The following C14orf132 variants were observed in gnomAD, a reference collection of about 807,000 sequenced individuals.
C14orf132 encodes uncharacterized protein C14orf132.
A neutral mutation model predicts 5.8 loss-of-function variants in C14orf132; 6 were observed. The ratio of observed to expected loss-of-function variants is 1.03; its 90% CI spans 0.57 to 2.04. C14orf132 has a LOEUF of 2.04. Among genes scored for constraint, C14orf132 ranks in the 30% most tolerant of loss-of-function variants. The probability of loss-of-function intolerance (pLI) is 0.00; values close to 1 mark genes in which losing one functional copy is unlikely to be tolerated. For missense variants in C14orf132, 125 were observed against 115.8 expected (o/e 1.08, Z -0.37); for synonymous variants, 51 against 49.8 (o/e 1.02, Z -0.10).
intron 1 of C14orf132, among the ~76,000 whole-genome samples, chr14:96,070,054 C>T (rs1455010331): frequency 6.6e-6 from 1 of 152,190 alleles, no homozygotes; most frequent in Non-Finnish European, 1.5e-5. Context: ...GAGGGGCCGA[C>T]TTTTGTACTA....
rs140744700 is a variant in C14orf132, at chr14:96,062,808, C to T, written c.27+23281C>T. Among the ~76,000 whole-genome samples the T allele has an allele frequency of 4.9e-4, 74 of 152,252 alleles. No homozygotes were observed. In the Middle Eastern group the frequency reaches 0.017, roughly 35 times the overall value. ...GCCAGGTACATTCTTCCTTGGCCTT[C>T]GGAGTGCCCTTACATACTCTCAGGA... On this transcript the variant is annotated intron_variant, in intron 1 of 1. Transcript: ENST00000555004.
intron 1 of C14orf132, among the ~76,000 whole-genome samples, chr14:96,076,707 G>A (rs959961972): frequency 1.9e-4 from 29 of 152,322 alleles, no homozygotes; most frequent in African/African-American, 6.0e-4. Flanking sequence ...CATGCAGCCC[G>A]TGGGTTGTGG....
intron 1 of C14orf132, among the ~76,000 whole-genome samples, chr14:96,052,526 C>T (rs1224825333): frequency 6.6e-6 from 1 of 152,240 alleles, no homozygotes; most frequent in Admixed American, 6.5e-5. Flanking sequence ...CAGCCCAGGG[C>T]TAGAACCAGT....
At position 96,086,693 on chromosome 14, in the gene C14orf132, G is replaced by A. The variant is rs1267868650; in HGVS notation, c.210G>A (p.Gly70=). 1.3e-6 allele frequency: 2 copies of A among 1,536,168 alleles called. No homozygotes were observed. The highest frequency in any genetic ancestry group is 1.7e-6 in the Non-Finnish European group (2 of 1,146,914). The change falls in exon 2 of 2, where the codon GGG becomes GGA. Residue 70 remains glycine (G), a synonymous_variant. Transcript: ENST00000555004. ...LLWIAIIATL[G]NIVVVGVVYA... ...GGATTGCCATCATAGCTACGCTGGGGAACATCGTGGTGGTGGGCGTGGTGT... is the reference window on the plus strand; with the variant it reads ...GGATTGCCATCATAGCTACGCTGGGAAACATCGTGGTGGTGGGCGTGGTGT...
At chr14:96,082,167 T>C (rs1888049087) in intron 1 of C14orf132, among the ~76,000 whole-genome samples, 1 of 152,204 alleles carries the variant, frequency 6.6e-6, no homozygotes, top group African/African-American at 2.4e-5. Context: ...TCCCATTCTC[T>C]GAAGGCCAGT....
At chr14:96,081,315 C>T (rs1888025995) in intron 1 of C14orf132, among the ~76,000 whole-genome samples, 1 of 152,202 alleles carries the variant, frequency 6.6e-6, no homozygotes, top group Non-Finnish European at 1.5e-5. Flanking sequence ...TTCTATACGG[C>T]TGTCTTTATT....
intron 1 of C14orf132, among the ~76,000 whole-genome samples, chr14:96,059,557 G>A (rs1283354657): frequency 2.0e-5 from 3 of 152,178 alleles, no homozygotes; most frequent in Non-Finnish European, 4.4e-5. Context: ...CATCCTTGCT[G>A]TCAGCCACTG....
At chr14:96,075,383 ATC>A (rs1275050916) in intron 1 of C14orf132, among the ~76,000 whole-genome samples, 13 of 152,276 alleles carry the variant, frequency 8.5e-5, no homozygotes, top group African/African-American at 2.6e-4. Context: ...TATATAAGGC[ATC>A]TCTATATATA....
chr14:96,053,221 C>G (rs141675575), intron 1 of C14orf132, among the ~76,000 whole-genome samples: 53 of 152,314 alleles, frequency 3.5e-4, no homozygotes, highest in Admixed American at 5.2e-4. Flanking sequence ...GAATCCACAC[C>G]TTTCCCCGGC....
chr14:96,049,619 C>A (rs1209574334), intron 1 of C14orf132, among the ~76,000 whole-genome samples: 1 of 91,704 alleles, frequency 1.1e-5, no homozygotes, highest in Non-Finnish European at 2.2e-5. Flanking sequence ...TACATATATA[C>A]GTATATATAT....
chr14:96,088,865 C>T lies in C14orf132; in HGVS notation c.*2130C>T, dbSNP rs144309743. On this transcript the variant is annotated 3_prime_UTR_variant, in exon 2 of 2. Coordinates refer to ENST00000555004, the MANE Select transcript of C14orf132 (RefSeq NM_001252507.3). The stretch of plus-strand genomic sequence containing the variant: ...ATGGCTTCTAGCCCTGAAGAGGACT[C>T]CAGCATCCCAGGCACCGGGTGCTTC... The T allele has an allele frequency of 1.8e-4, 28 of 152,402 alleles. No individual in the cohort carries two copies. The highest frequency in any genetic ancestry group is 6.0e-4 in the African/African-American group (25 of 41,590). 9.4% of individuals were successfully genotyped at this position (152,402 alleles called of 1,614,324 possible).
At position 96,077,269 on chromosome 14, in the gene C14orf132, T is replaced by A. The variant is rs1045122151; in HGVS notation, c.28-9242T>A. ...ATAATTTTGGACTGGATTCTGGGTG[T>A]TTTGAATATTATGTTGTGAGATGCT... On this transcript the variant is annotated intron_variant, in intron 1 of 1. Coordinates refer to ENST00000555004, the MANE Select transcript of C14orf132 (RefSeq NM_001252507.3). Among the ~76,000 whole-genome samples the A allele has an allele frequency of 6.6e-5, 10 of 152,284 alleles. 1 individual carries two copies. The highest frequency in any genetic ancestry group is 1.9e-4 in the East Asian group (1 of 5,176).
At chr14:96,063,447 T>C (rs1351996183) in intron 1 of C14orf132, among the ~76,000 whole-genome samples, 1 of 152,130 alleles carries the variant, frequency 6.6e-6, no homozygotes, top group African/African-American at 2.4e-5. Flanking sequence ...TAGTTGAGAC[T>C]ACAGGCAAAC....
At chr14:96,079,570 C>T (rs1225357184) in intron 1 of C14orf132, among the ~76,000 whole-genome samples, 1 of 152,072 alleles carries the variant, frequency 6.6e-6, no homozygotes, top group Non-Finnish European at 1.5e-5. Flanking sequence ...CTATCACTTC[C>T]TGGTCTTCCT....
Position 96,045,053 on chromosome 14 carries a change from C to T in C14orf132, c.27+5526C>T, listed in dbSNP as rs79831247. Among the ~76,000 whole-genome samples, 1,247 of 152,242 alleles carry T rather than the reference C, an allele frequency of 8.2e-3. 12 individuals carry two copies. Among genetic ancestry groups the T allele is most frequent in the African/African-American group, 0.029 (1,184 of 41,522 alleles). ...GATCTTGGGGCAGCAGTGAACAGATCGCTTATTTAAACCTCAGTTTCATTA... is the reference window on the plus strand; with the variant it reads ...GATCTTGGGGCAGCAGTGAACAGATTGCTTATTTAAACCTCAGTTTCATTA... On this transcript the variant is annotated intron_variant, in intron 1 of 1. Transcript: ENST00000555004.
chr14:96,079,216 C>G (rs1223226697), intron 1 of C14orf132, among the ~76,000 whole-genome samples: 1 of 152,140 alleles, frequency 6.6e-6, no homozygotes, highest in Non-Finnish European at 1.5e-5. Flanking sequence ...TTCTGTCACG[C>G]CATAGCACCT....
rs534137550 is a variant in C14orf132, at chr14:96,088,752, G to A, written c.*2017G>A. ...TAAAGATACAGGAGGCAGCTCCCTG[G>A]CCTCCAAATGGCCCATGGAGATGGC... On this transcript the variant is annotated 3_prime_UTR_variant, in exon 2 of 2. Coordinates refer to ENST00000555004, the MANE Select transcript of C14orf132 (RefSeq NM_001252507.3). 1 of 152,384 alleles carries A rather than the reference G, an allele frequency of 6.6e-6. No homozygotes were observed. The highest frequency in any genetic ancestry group is 2.1e-4 in the South Asian group (1 of 4,828). The allele number at this position is 152,384 out of a possible 1,614,324, so 9.4% of individuals were successfully genotyped here.
chr14:96,046,577 T>C (rs190936292), intron 1 of C14orf132, among the ~76,000 whole-genome samples: 28 of 152,380 alleles, frequency 1.8e-4, no homozygotes, highest in Non-Finnish European at 3.1e-4. Context: ...TTTCCTGTGC[T>C]TGAGGAGCTG....
In C14orf132 at chr14:96,054,981, A is replaced by G. The variant is rs78365233; in HGVS notation, c.27+15454A>G. Reference sequence around the variant, plus strand: ...TGTTCAGCCACGTCTCTCCTCCAGGATTTTTACAACTGATTTTTTTGAAGC... The same window carrying G: ...TGTTCAGCCACGTCTCTCCTCCAGGGTTTTTACAACTGATTTTTTTGAAGC... On this transcript the variant is annotated intron_variant, in intron 1 of 1. Coordinates refer to ENST00000555004, the MANE Select transcript of C14orf132 (RefSeq NM_001252507.3). Among the ~76,000 whole-genome samples, 1,180 of 152,264 alleles carry G rather than the reference A, an allele frequency of 7.7e-3. 10 individuals are homozygous for G. Among genetic ancestry groups the G allele is most frequent in the African/African-American group, 0.027 (1,119 of 41,556 alleles).
Sources: allele counts gnomAD v4.1 joint callset (sites outside exome capture counted in the v4.1 genomes callset), GRCh38; gene constraint gnomAD v4.1.1; transcripts MANE v1.5; gene names NCBI Gene and HGNC (gene_info 2026-07-23, HGNC 2026-07-21).